SAMD12: variants seen among roughly 807,000 people sequenced by gnomAD.
The protein encoded by SAMD12 is sterile alpha motif domain-containing protein 12.
Under a neutral mutation model 15.0 loss-of-function variants are expected in SAMD12, and 9 were observed. That is an observed-to-expected ratio of 0.60 (90% CI 0.36 to 1.05). SAMD12 has a LOEUF of 1.05. Ranked by LOEUF, SAMD12 falls within the 50% of genes least tolerant of loss-of-function variation. The pLI is 0.01. For synonymous variants in SAMD12, 86 were observed against 90.1 expected, an observed-to-expected ratio of 0.96 and a Z score of 0.25; for missense variants, 230 against 234.2, an observed-to-expected ratio of 0.98 and a Z score of 0.12.
intron 4 of SAMD12, among the ~76,000 whole-genome samples, chr8:118,308,511 G>A (rs989506912): frequency 3.3e-5 from 5 of 152,142 alleles, no homozygotes; most frequent in South Asian, 2.1e-4. Flanking sequence ...CAGCAGAACC[G>A]GTAAATGTTG....
exon 5 of SAMD12, chr8:118,194,741 T>A (rs1819506615): frequency 1.3e-5 from 2 of 152,214 alleles, no homozygotes; most frequent in Non-Finnish European, 2.9e-5. Flanking sequence ...GGAGGTAACA[T>A]TCCGTACATG....
intron 4 of SAMD12, among the ~76,000 whole-genome samples, chr8:118,222,468 T>C (rs1812103149): frequency 6.6e-6 from 1 of 152,190 alleles, no homozygotes; most frequent in Non-Finnish European, 1.5e-5. Context: ...AATGATTTTA[T>C]AATAATCTAA....
chr8:118,466,742 C>A (rs1490256354), intron 2 of SAMD12, among the ~76,000 whole-genome samples: 1 of 152,084 alleles, frequency 6.6e-6, no homozygotes, highest in African/African-American at 2.4e-5. Flanking sequence ...ATTAGCCTAA[C>A]ACTCAAGTAA....
chr8:118,298,551 C>G (rs936029556), intron 4 of SAMD12, among the ~76,000 whole-genome samples: 3 of 152,162 alleles, frequency 2.0e-5, no homozygotes, highest in Non-Finnish European at 4.4e-5. Context: ...CTACTTCTTG[C>G]AGCATTTACA....
At chr8:118,479,461 T>C (rs1824058756) in intron 2 of SAMD12, among the ~76,000 whole-genome samples, 1 of 152,158 alleles carries the variant, frequency 6.6e-6, no homozygotes, top group African/African-American at 2.4e-5. Flanking sequence ...AAACCCCTTA[T>C]AAAACTATCA....
chr8:118,401,514 G>A (rs1469200979), intron 3 of SAMD12, among the ~76,000 whole-genome samples: 3 of 151,198 alleles, frequency 2.0e-5, no homozygotes, highest in Non-Finnish European at 1.5e-5. Context: ...GGAACTATAG[G>A]TGTGTGCCAC....
intron 4 of SAMD12, among the ~76,000 whole-genome samples, chr8:118,312,882 T>C (rs934635053): frequency 6.6e-6 from 1 of 152,136 alleles, no homozygotes; most frequent in Non-Finnish European, 1.5e-5. Context: ...ACACAGAGAC[T>C]GAGCAAGGGA....
intron 4 of SAMD12, among the ~76,000 whole-genome samples, chr8:118,199,775 C>G (rs1268772520): frequency 1.3e-5 from 2 of 152,142 alleles, no homozygotes; most frequent in African/African-American, 2.4e-5. Context: ...TATCATTGCC[C>G]AATCCTCTTC....
At chr8:118,282,308 T>A (rs1270545969) in intron 4 of SAMD12, 1 of 456,280 alleles carries the variant, frequency 2.2e-6, no homozygotes, top group East Asian at 6.9e-5. Context: ...TTTCGCCATT[T>A]TGCCAAGGAC....
chr8:118,469,045 C>T (rs1823682615), intron 2 of SAMD12, among the ~76,000 whole-genome samples: 1 of 152,178 alleles, frequency 6.6e-6, no homozygotes. Context: ...TGGAAGGCAG[C>T]CCAGCACATT....
chr8:118,538,386 G>T (rs1825905128), intron 2 of SAMD12, among the ~76,000 whole-genome samples: 1 of 152,186 alleles, frequency 6.6e-6, no homozygotes, highest in South Asian at 2.1e-4. Context: ...TGGGACCCCA[G>T]AGCCCTTTAG....
At chr8:118,354,631 C>G (rs1319310693) in intron 4 of SAMD12, among the ~76,000 whole-genome samples, 3 of 152,212 alleles carry the variant, frequency 2.0e-5, no homozygotes, top group Non-Finnish European at 4.4e-5. Context: ...GTCACACTGA[C>G]CACAACTCAA....
intron 4 of SAMD12, among the ~76,000 whole-genome samples, chr8:118,260,717 C>G (rs899121633): frequency 1.3e-5 from 2 of 152,100 alleles, no homozygotes; most frequent in Non-Finnish European, 2.9e-5. Flanking sequence ...CTTTAGCCAC[C>G]TCCTTGGCAG....
chr8:118,205,278 T>C (rs1819830279), intron 4 of SAMD12, among the ~76,000 whole-genome samples: 1 of 152,230 alleles, frequency 6.6e-6, no homozygotes, highest in Non-Finnish European at 1.5e-5. Context: ...CATCTCTCTA[T>C]ACATATTTAT....
At chr8:118,199,460 A>G (rs1262096340) in intron 4 of SAMD12, among the ~76,000 whole-genome samples, 2 of 152,218 alleles carry the variant, frequency 1.3e-5, no homozygotes, top group African/African-American at 4.8e-5. Flanking sequence ...CATCCTTGAG[A>G]CCTGGCTAAA....
intron 2 of SAMD12, among the ~76,000 whole-genome samples, chr8:118,543,003 T>A: frequency 7.0e-6 from 1 of 142,844 alleles, no homozygotes; most frequent in African/African-American, 2.6e-5. Context: ...GGCGAGAAAA[T>A]AAGGAAGGAA....
intron 3 of SAMD12, among the ~76,000 whole-genome samples, chr8:118,424,235 AC>A (rs1822147003): frequency 6.6e-6 from 1 of 152,244 alleles, no homozygotes; most frequent in African/African-American, 2.4e-5. Flanking sequence ...ATAATTCTTT[AC>A]ATACAAATGT....
chr8:118,472,084 G>A (rs1278285020), intron 2 of SAMD12, among the ~76,000 whole-genome samples: 1 of 151,890 alleles, frequency 6.6e-6, no homozygotes, highest in Non-Finnish European at 1.5e-5. Context: ...TCAGGAGATC[G>A]AGACCATCCT....
rs141209007 is a variant in SAMD12 at position 118,437,312 on chromosome 8, C to T, written c.322+2520G>A. Among the ~76,000 whole-genome samples, 321 of 152,276 alleles carry T rather than the reference C, an allele frequency of 2.1e-3. 4 individuals carry two copies. Among genetic ancestry groups the T allele is most frequent in the African/African-American group, 7.5e-3 (310 of 41,562 alleles). On this transcript the variant is annotated intron_variant, in intron 3 of 3. Coordinates refer to ENST00000314727, the MANE Select transcript of SAMD12 (RefSeq NM_207506.3). ...TCTGAGGCTTCAAATAGGTGAATGT[C>T]AAAAAGATGTAGACCAAAAGTTAAT...
Sources: gnomAD v4.1 joint callset for allele counts (sites outside exome capture counted in the v4.1 genomes callset) on GRCh38, gnomAD v4.1.1 for gene constraint, MANE v1.5 for transcripts, NCBI Gene and HGNC (gene_info 2026-07-23, HGNC 2026-07-21) for gene names.